FAM227B: variants seen among roughly 807,000 people sequenced by gnomAD.
The protein encoded by FAM227B is protein FAM227B.
In FAM227B, 88 loss-of-function variants were observed where a neutral mutation model predicts 73.8. That is an observed-to-expected ratio of 1.19 (90% CI 1.00 to 1.42). The LOEUF (loss-of-function observed/expected upper bound fraction) is 1.42, where lower values mean the gene tolerates loss of function less well. Ranked by LOEUF, FAM227B falls within the 40% of genes most tolerant of loss-of-function variation. FAM227B has a pLI of 0.00. For missense variants in FAM227B, 632 were observed against 590.9 expected, an observed-to-expected ratio of 1.07 and a Z score of -0.72; for synonymous variants, 210 against 190.5, an observed-to-expected ratio of 1.10 and a Z score of -0.84.
chr15:49,541,158 T>G (rs2071013450), intron 10 of FAM227B, among the ~76,000 whole-genome samples: 1 of 152,146 alleles, frequency 6.6e-6, no homozygotes, highest in African/African-American at 2.4e-5. Flanking sequence ...TATACCTTAG[T>G]TTTAAACTCT....
intron 11 of FAM227B, among the ~76,000 whole-genome samples, chr15:49,411,235 G>C (rs756589156): frequency 5.9e-5 from 9 of 151,562 alleles, no homozygotes; most frequent in Non-Finnish European, 1.2e-4. Context: ...TGTAAACCAA[G>C]GAAGTGAAAA....
intron 11 of FAM227B, among the ~76,000 whole-genome samples, chr15:49,496,285 G>A (rs1286554587): frequency 5.9e-5 from 9 of 151,902 alleles, no homozygotes; most frequent in Non-Finnish European, 1.2e-4. Context: ...TATTGCTTGC[G>A]GTTTAAGCTA....
intron 11 of FAM227B, among the ~76,000 whole-genome samples, chr15:49,415,741 G>T (rs954126494): frequency 6.6e-6 from 1 of 152,126 alleles, no homozygotes; most frequent in Non-Finnish European, 1.5e-5. Context: ...ATATATTTGA[G>T]TCACCAGCAC....
intron 11 of FAM227B, among the ~76,000 whole-genome samples, chr15:49,503,734 T>G (rs2058345639): frequency 6.6e-6 from 1 of 152,146 alleles, no homozygotes. Flanking sequence ...AGATACCATC[T>G]CACACCAGTT....
chr15:49,531,625 A>G (rs1369827354), intron 10 of FAM227B, among the ~76,000 whole-genome samples: 1 of 152,036 alleles, frequency 6.6e-6, no homozygotes, highest in East Asian at 1.9e-4. Flanking sequence ...AGAAAGGATC[A>G]TGTCTCATGC....
At chr15:49,360,397 A>G (rs1244061346) in intron 13 of FAM227B, among the ~76,000 whole-genome samples, 1 of 152,192 alleles carries the variant, frequency 6.6e-6, no homozygotes, top group African/African-American at 2.4e-5. Context: ...GATATGGCTT[A>G]TACACTTTTC....
chr15:49,462,086 T>G (rs1232896605), intron 11 of FAM227B, among the ~76,000 whole-genome samples: 2 of 152,080 alleles, frequency 1.3e-5, no homozygotes, highest in African/African-American at 4.8e-5. Flanking sequence ...GCCACTGTAC[T>G]CCAGCCTGGG....
At chr15:49,490,741 G>C (rs964218869) in intron 11 of FAM227B, among the ~76,000 whole-genome samples, 6 of 151,778 alleles carry the variant, frequency 4.0e-5, no homozygotes, top group African/African-American at 1.5e-4. Flanking sequence ...TATATTTAGG[G>C]CATGTACATA....
At chr15:49,422,459 C>A in intron 11 of FAM227B, 1 of 1,138,986 alleles carries the variant, frequency 8.8e-7, no homozygotes, top group East Asian at 3.1e-5. Flanking sequence ...AAATCAAACA[C>A]TGATAATCAA....
intron 3 of FAM227B, among the ~76,000 whole-genome samples, chr15:49,600,890 A>G (rs2077156560): frequency 6.6e-6 from 1 of 150,516 alleles, no homozygotes. Context: ...AAAATACCAA[A>G]AATTAGCTGG....
At chr15:49,367,091 C>T (rs2045343983) in intron 13 of FAM227B, among the ~76,000 whole-genome samples, 2 of 152,162 alleles carry the variant, frequency 1.3e-5, no homozygotes. Context: ...GCCTAAAACT[C>T]TCTTTGGAGA....
At chr15:49,584,212 T>C (rs1273680128) in intron 5 of FAM227B, among the ~76,000 whole-genome samples, 2 of 152,156 alleles carry the variant, frequency 1.3e-5, no homozygotes, top group Non-Finnish European at 2.9e-5. Context: ...GATCAATATA[T>C]GCAAATCAAT....
At chr15:49,395,561 C>T (rs887142984) in intron 11 of FAM227B, among the ~76,000 whole-genome samples, 1 of 152,080 alleles carries the variant, frequency 6.6e-6, no homozygotes, top group African/African-American at 2.4e-5. Flanking sequence ...AAGAGATGAA[C>T]CATCAGAACT....
chr15:49,421,633 G>T (rs762687800), intron 11 of FAM227B, among the ~76,000 whole-genome samples: 23 of 152,154 alleles, frequency 1.5e-4, no homozygotes, highest in Non-Finnish European at 2.9e-4. Flanking sequence ...TTTAAAAACT[G>T]TAGGTTCAGT....
At position 49,517,912 on chromosome 15, in the gene FAM227B, C is replaced by T. The variant is rs562854735; in HGVS notation, c.875-9564G>A. 1.4e-3 allele frequency among the ~76,000 whole-genome samples: 206 copies of T among 152,006 alleles called. 1 individual carries two copies. The highest frequency in any genetic ancestry group is 4.9e-3 in the African/African-American group (204 of 41,460). Reference sequence around the variant, plus strand: ...TCTACTCACTTGTATCTGGCTTTTTCTTTTTGTTTAACTAAGTTTGTGTGA... The same window carrying T: ...TCTACTCACTTGTATCTGGCTTTTTTTTTTTGTTTAACTAAGTTTGTGTGA... On this transcript the variant is annotated intron_variant, in intron 10 of 15. Transcript: ENST00000299338.
At chr15:49,531,917 T>C (rs1212028346) in intron 10 of FAM227B, among the ~76,000 whole-genome samples, 1 of 151,834 alleles carries the variant, frequency 6.6e-6, no homozygotes, top group Admixed American at 6.6e-5. Flanking sequence ...ATTAATAAGT[T>C]TGTTACTAGA....
intron 10 of FAM227B, among the ~76,000 whole-genome samples, chr15:49,508,587 G>A (rs1230459465): frequency 6.6e-6 from 1 of 151,842 alleles, no homozygotes; most frequent in African/African-American, 2.4e-5. Context: ...TACAGTGTTG[G>A]TAAATGGGAA....
At chr15:49,382,320 T>C (rs1413765722) in intron 11 of FAM227B, among the ~76,000 whole-genome samples, 1 of 152,104 alleles carries the variant, frequency 6.6e-6, no homozygotes, top group African/African-American at 2.4e-5. Context: ...ACATAATTTA[T>C]AGTTTCAAGC....
At chr15:49,569,373 T>C (rs933745841) in intron 8 of FAM227B, among the ~76,000 whole-genome samples, 2 of 151,928 alleles carry the variant, frequency 1.3e-5, no homozygotes, top group African/African-American at 4.8e-5. Context: ...TTATCTCTGC[T>C]GCAATATGTA....
Sources: gnomAD v4.1 joint callset for allele counts (sites outside exome capture counted in the v4.1 genomes callset) on GRCh38, gnomAD v4.1.1 for gene constraint, MANE v1.5 for transcripts, NCBI Gene and HGNC (gene_info 2026-07-23, HGNC 2026-07-21) for gene names.